Variants in ALG9 observed in about 807,000 individuals in gnomAD.
ALG9 encodes the protein ALG9 alpha-1,2-mannosyltransferase, also known as alpha-1,2-mannosyltransferase ALG9.
A neutral mutation model predicts 81.8 loss-of-function variants in ALG9; 55 were observed. The observed-to-expected ratio is 0.67, with a 90% CI of 0.54 to 0.84. ALG9 has a LOEUF of 0.84. ALG9 is among the 40% of genes least tolerant of loss of function. The pLI, the probability that ALG9 is intolerant of heterozygous loss-of-function variation, is 0.00. For missense variants in ALG9, 629 were observed against 745.0 expected, an observed-to-expected ratio of 0.84 and a Z score of 1.81; for synonymous variants, 278 against 274.3, an observed-to-expected ratio of 1.01 and a Z score of -0.13.
intron 14 of ALG9, among the ~76,000 whole-genome samples, chr11:111,796,810 C>T (rs1454921227): frequency 2.6e-5 from 4 of 152,120 alleles, no homozygotes; most frequent in Admixed American, 1.3e-4. Context: ...CTAAGGGCAC[C>T]ACCATGATTG....
intron 14 of ALG9, among the ~76,000 whole-genome samples, chr11:111,792,257 A>G (rs1431776609): frequency 6.6e-6 from 1 of 152,178 alleles, no homozygotes. Flanking sequence ...CCCCCACAAA[A>G]CACACCCACA....
chr11:111,839,935 C>T (rs2136872421), intron 10 of ALG9, among the ~76,000 whole-genome samples: 1 of 152,050 alleles, frequency 6.6e-6, no homozygotes, highest in South Asian at 2.1e-4. Flanking sequence ...TTACTTAGGG[C>T]TGGTGAGAGA....
At chr11:111,849,830 A>C (rs1202672513) in intron 8 of ALG9, 1 of 152,248 alleles carries the variant, frequency 6.6e-6, no homozygotes, top group Non-Finnish European at 1.5e-5. Flanking sequence ...ATGGCTGCAT[A>C]GTATTCTATG....
At chr11:111,834,378 A>C (rs1954877380) in intron 13 of ALG9, among the ~76,000 whole-genome samples, 1 of 152,190 alleles carries the variant, frequency 6.6e-6, no homozygotes, top group Non-Finnish European at 1.5e-5. Flanking sequence ...GAAACAATAA[A>C]AAGAAGGAAG....
At position 111,782,457 on chromosome 11, in the gene ALG9, T is replaced by G. The variant is rs1555057498; in HGVS notation, c.*3940A>C. 2 of 152,614 alleles carry G rather than the reference T, an allele frequency of 1.3e-5. No homozygotes were observed. Among genetic ancestry groups the G allele is most frequent in the African/African-American group, 4.8e-5 (2 of 41,442 alleles). 9.5% of individuals were successfully genotyped at this position (152,614 alleles called of 1,614,324 possible). A position where few individuals can be genotyped will look rare whatever the true frequency, so the allele number is the denominator to read the frequency against. ...CGATGCCATACGGAAGTCTGATCTT[T>G]CTGTTGCAAAAAAAATTAAAGCTGG... On this transcript the variant is annotated 3_prime_UTR_variant, in exon 15 of 15. Coordinates refer to ENST00000616540, the MANE Select transcript of ALG9 (RefSeq NM_024740.2).
At chr11:111,804,896 T>C (rs1472326460) in intron 14 of ALG9, among the ~76,000 whole-genome samples, 1 of 152,246 alleles carries the variant, frequency 6.6e-6, no homozygotes, top group Non-Finnish European at 1.5e-5. Flanking sequence ...GAAGACAATC[T>C]GGCAGCTTTT....
intron 10 of ALG9, among the ~76,000 whole-genome samples, chr11:111,840,426 G>A (rs1453360049): frequency 1.3e-5 from 2 of 152,126 alleles, no homozygotes; most frequent in Non-Finnish European, 2.9e-5. Flanking sequence ...GGTAACAGAG[G>A]CAAAGTAACA....
chr11:111,837,708 C>T, intron 11 of ALG9, 93 bp from the exon 12 acceptor site: 2 of 1,436,592 alleles, frequency 1.4e-6, no homozygotes, highest in Admixed American at 1.9e-5. Flanking sequence ...CTGTAAGCCA[C>T]AGGAAATTTA....
intron 4 of ALG9, among the ~76,000 whole-genome samples, chr11:111,863,296 T>G (rs1961009567): frequency 1.3e-5 from 2 of 152,142 alleles, no homozygotes; most frequent in Admixed American, 1.3e-4. Flanking sequence ...AGGCTGAGGT[T>G]GCAGTGAGCC....
chr11:111,862,273 G>C (rs1960508793), intron 4 of ALG9, among the ~76,000 whole-genome samples: 1 of 134,394 alleles, frequency 7.4e-6, no homozygotes, highest in Non-Finnish European at 1.5e-5. Flanking sequence ...AGTCTCACTT[G>C]CCCAGGCTGG....
chr11:111,838,213 C>T (rs781955703), intron 11 of ALG9, 36 bp downstream of exon 11: 6 of 1,612,442 alleles, frequency 3.7e-6, no homozygotes, highest in Admixed American at 1.7e-5. Context: ...GCAAGTGACT[C>T]GTCAGTGTAG....
chr11:111,857,103 G>A (rs935973832), intron 6 of ALG9, among the ~76,000 whole-genome samples: 10 of 151,982 alleles, frequency 6.6e-5, no homozygotes, highest in East Asian at 3.9e-4. Flanking sequence ...GTGAAACTCC[G>A]TCTCAAAATA....
rs564278139 is a variant in ALG9, at chr11:111,854,485, G to A, written c.702-749C>T. Among the ~76,000 whole-genome samples, 3 of 152,102 alleles carry A rather than the reference G, an allele frequency of 2.0e-5. No individual in the cohort carries two copies. The South Asian group carries it at 6.2e-4, about 32-fold the overall frequency. On this transcript the variant is annotated intron_variant, in intron 6 of 14. Transcript: ENST00000616540. ...AGGGTTTCACCATGTTGGCCAGGCT[G>A]GTCTCAAACTCCTGACCTCAGGAGA...
At chr11:111,789,775 G>A (rs1331929589) in intron 14 of ALG9, among the ~76,000 whole-genome samples, 1 of 151,236 alleles carries the variant, frequency 6.6e-6, no homozygotes. Flanking sequence ...AGCTGAGACT[G>A]TGCCACTGCA....
intron 5 of ALG9, among the ~76,000 whole-genome samples, chr11:111,858,690 T>A (rs947625370): frequency 6.6e-6 from 1 of 152,158 alleles, no homozygotes; most frequent in African/African-American, 2.4e-5. Flanking sequence ...TGAACAAAAA[T>A]GCAGATCTGC....
At chr11:111,827,989 A>G (rs1344455546) in intron 13 of ALG9, among the ~76,000 whole-genome samples, 2 of 151,610 alleles carry the variant, frequency 1.3e-5, no homozygotes, top group African/African-American at 2.4e-5. Context: ...GGCGTTTGAG[A>G]CCAGTCTGGC....
chr11:111,821,208 A>T (rs1339676622), intron 13 of ALG9, among the ~76,000 whole-genome samples: 1 of 152,116 alleles, frequency 6.6e-6, no homozygotes, highest in African/African-American at 2.4e-5. Context: ...CATGCTCTGT[A>T]TTTGTACAAG....
intron 14 of ALG9, chr11:111,805,172 G>A (rs1487763338): frequency 4.6e-6 from 2 of 438,190 alleles, no homozygotes; most frequent in African/African-American, 4.1e-5. Flanking sequence ...TGGGATTAAT[G>A]TCCTTATAAG....
At chr11:111,850,070 T>C (rs1177292875) in intron 8 of ALG9, among the ~76,000 whole-genome samples, 1 of 152,204 alleles carries the variant, frequency 6.6e-6, no homozygotes, top group African/African-American at 2.4e-5. Context: ...AAGTCTTTTA[T>C]GTATACTGAA....
Sources: allele counts gnomAD v4.1 joint callset (sites outside exome capture counted in the v4.1 genomes callset), GRCh38; gene constraint gnomAD v4.1.1; transcripts MANE v1.5; gene names NCBI Gene and HGNC (gene_info 2026-07-23, HGNC 2026-07-21).